Variants in XIRP2 observed in about 807,000 individuals in gnomAD.
The protein encoded by XIRP2 is xin actin binding repeat containing 2.
In XIRP2, 236 loss-of-function variants were observed where a neutral mutation model predicts 277.0. The ratio of observed to expected loss-of-function variants is 0.85; its 90% CI spans 0.77 to 0.95. The LOEUF is 0.95. Among genes scored for constraint, XIRP2 ranks in the 40% least tolerant of loss-of-function variants. The pLI is 0.00. For missense variants in XIRP2, 4,640 were observed against 4,157.5 expected (o/e 1.12, Z -3.19); for synonymous variants, 1,490 against 1,416.5 (o/e 1.05, Z -1.17).
chr2:167,162,096 C>A (rs113139933), intron 3 of XIRP2, among the ~76,000 whole-genome samples: 15,048 of 152,178 alleles, frequency 0.099, 797 homozygotes, highest in South Asian at 0.16. Context: ...ATCTGAGACC[C>A]CCTCAGCCTG....
intron 2 of XIRP2, among the ~76,000 whole-genome samples, chr2:167,122,286 C>T (rs1691077753): frequency 6.6e-6 from 1 of 152,118 alleles, no homozygotes. Context: ...GGGGTAAGAA[C>T]CAGGACTAGA....
intron 2 of XIRP2, among the ~76,000 whole-genome samples, chr2:167,104,703 A>G (rs573917042): frequency 3.3e-5 from 5 of 152,058 alleles, no homozygotes; most frequent in African/African-American, 1.2e-4. Flanking sequence ...TTCTTCCCAC[A>G]TGAAATAGTT....
At chr2:166,961,680 G>A (rs2105408054) in intron 2 of XIRP2, among the ~76,000 whole-genome samples, 1 of 151,808 alleles carries the variant, frequency 6.6e-6, no homozygotes, top group Non-Finnish European at 1.5e-5. Flanking sequence ...CAGTGTGTCT[G>A]CCTAGAAATT....
chr2:167,129,130 T>C (rs750536511), intron 2 of XIRP2, among the ~76,000 whole-genome samples: 78 of 152,148 alleles, frequency 5.1e-4, no homozygotes, highest in Admixed American at 1.2e-3. Context: ...GCAGAATTCA[T>C]ACAAGGTTTC....
At chr2:167,167,580 C>G (rs919347725) in intron 3 of XIRP2, among the ~76,000 whole-genome samples, 1 of 152,068 alleles carries the variant, frequency 6.6e-6, no homozygotes, top group Non-Finnish European at 1.5e-5. Flanking sequence ...CAGCTCTGTA[C>G]CACTTCATGG....
Position 167,247,238 on chromosome 2 carries a change from C to T in XIRP2, c.5846C>T (p.Ala1949Val). The change falls in exon 9 of 11, where the codon GCT becomes GTT. Residue 1949 changes from alanine to valine, a missense_variant. Coordinates refer to ENST00000409195, the MANE Select transcript of XIRP2 (RefSeq NM_152381.6). ...VHKEGVIKKD[A>V]KAVMAGSSGE... ...AAAGAAGGTGTAATAAAAAAAGATGCTAAAGCTGTGATGGCAGGATCCTCG... is the reference window on the plus strand; with the variant it reads ...AAAGAAGGTGTAATAAAAAAAGATGTTAAAGCTGTGATGGCAGGATCCTCG... 1 of 1,613,604 alleles carries T rather than the reference C, an allele frequency of 6.2e-7. No homozygotes were observed. Among genetic ancestry groups the T allele is most frequent in the Non-Finnish European group, 8.5e-7 (1 of 1,179,818 alleles).
At chr2:167,125,791 G>T (rs983694509) in intron 2 of XIRP2, among the ~76,000 whole-genome samples, 2 of 152,110 alleles carry the variant, frequency 1.3e-5, no homozygotes, top group Non-Finnish European at 2.9e-5. Flanking sequence ...GTTATTTAAT[G>T]CAGTTTGTTT....
intron 2 of XIRP2, among the ~76,000 whole-genome samples, chr2:167,122,202 C>G (rs577403560): frequency 6.6e-6 from 1 of 152,236 alleles, no homozygotes; most frequent in Admixed American, 6.5e-5. Flanking sequence ...AATAATTGTA[C>G]ACATGCACAT....
intron 3 of XIRP2, among the ~76,000 whole-genome samples, chr2:167,205,961 A>G (rs1016172927): frequency 2.0e-5 from 3 of 152,106 alleles, no homozygotes; most frequent in Non-Finnish European, 4.4e-5. Context: ...GCCCTCTCAC[A>G]TGGTTATCAA....
At chr2:167,010,777 G>A (rs1031342443) in intron 2 of XIRP2, among the ~76,000 whole-genome samples, 6 of 151,938 alleles carry the variant, frequency 3.9e-5, no homozygotes, top group South Asian at 2.1e-4. Context: ...CCTTCAAGAG[G>A]TCCTTCACGT....
chr2:167,174,314 G>C (rs1692777945), intron 3 of XIRP2, among the ~76,000 whole-genome samples: 1 of 152,128 alleles, frequency 6.6e-6, no homozygotes, highest in South Asian at 2.1e-4. Flanking sequence ...TCTATTCAGG[G>C]ATTCAACTTC....
At chr2:167,085,287 A>C (rs1689899165) in intron 2 of XIRP2, among the ~76,000 whole-genome samples, 2 of 151,812 alleles carry the variant, frequency 1.3e-5, no homozygotes, top group African/African-American at 2.4e-5. Flanking sequence ...TTCTAGTTTG[A>C]TTGCACTGTG....
chr2:167,049,895 A>T (rs191403244), intron 2 of XIRP2, among the ~76,000 whole-genome samples: 84 of 152,120 alleles, frequency 5.5e-4, no homozygotes, highest in African/African-American at 2.0e-3. Flanking sequence ...TCGTTGTTTT[A>T]GTTTTAGTTT....
At chr2:167,213,670 T>C (rs539671418) in intron 4 of XIRP2, among the ~76,000 whole-genome samples, 112 of 152,274 alleles carry the variant, frequency 7.4e-4, no homozygotes, top group African/African-American at 2.7e-3. Context: ...ATTTAGAGCA[T>C]GACACTAAAT....
chr2:167,160,344 G>A (rs1193277045), intron 3 of XIRP2, among the ~76,000 whole-genome samples: 1 of 152,162 alleles, frequency 6.6e-6, no homozygotes, highest in Non-Finnish European at 1.5e-5. Context: ...ATGCACACAA[G>A]CATATAGAAA....
At chr2:167,091,982 C>G (rs1690161656) in intron 2 of XIRP2, among the ~76,000 whole-genome samples, 1 of 152,060 alleles carries the variant, frequency 6.6e-6, no homozygotes, top group African/African-American at 2.4e-5. Flanking sequence ...AAAGCAACAC[C>G]AAATGTGATT....
At chr2:167,085,652 G>C (rs984503867) in intron 2 of XIRP2, among the ~76,000 whole-genome samples, 4 of 152,066 alleles carry the variant, frequency 2.6e-5, no homozygotes, top group Non-Finnish European at 5.9e-5. Flanking sequence ...ATATATTTAG[G>C]ATAGTTAGCT....
intron 4 of XIRP2, among the ~76,000 whole-genome samples, chr2:167,214,689 C>T (rs77189186): frequency 0.15 from 22,240 of 151,704 alleles, 1,951 homozygotes; most frequent in African/African-American, 0.25. Flanking sequence ...GCCTCAGCCT[C>T]CCAAATAGCT....
At chr2:167,081,986 T>G (rs934475334) in intron 2 of XIRP2, among the ~76,000 whole-genome samples, 12 of 151,914 alleles carry the variant, frequency 7.9e-5, no homozygotes, top group Non-Finnish European at 1.6e-4. Flanking sequence ...AGGGTACATG[T>G]GCACAGTGTG....
Sources: gnomAD v4.1 joint callset for allele counts (sites outside exome capture counted in the v4.1 genomes callset) on GRCh38, gnomAD v4.1.1 for gene constraint, MANE v1.5 for transcripts, NCBI Gene and HGNC (gene_info 2026-07-23, HGNC 2026-07-21) for gene names.